Variants in TNRC18 observed in about 807,000 individuals in gnomAD.
TNRC18 encodes trinucleotide repeat-containing gene 18 protein.
A neutral mutation model predicts 226.7 loss-of-function variants in TNRC18; 69 were observed. The ratio of observed to expected loss-of-function variants is 0.30; its 90% CI spans 0.25 to 0.37. The LOEUF (loss-of-function observed/expected upper bound fraction) is 0.37. Ranked by LOEUF, TNRC18 falls within the 10% of genes least tolerant of loss-of-function variation. The pLI, the probability that TNRC18 is intolerant of heterozygous loss-of-function variation, is 1.00. For missense variants in TNRC18, 4,754 were observed against 4,256.6 expected, an observed-to-expected ratio of 1.12 and a Z score of -3.25; for synonymous variants, 2,449 against 1,927.6, an observed-to-expected ratio of 1.27 and a Z score of -7.09.
chr7:5,365,112 A>G (rs1277810262), intron 11 of TNRC18, among the ~76,000 whole-genome samples: 1 of 152,050 alleles, frequency 6.6e-6, no homozygotes. Flanking sequence ...GATGGCATTT[A>G]GATTGTTTCC....
intron 21 of TNRC18, among the ~76,000 whole-genome samples, chr7:5,323,541 C>T (rs1002170060): frequency 1.2e-4 from 18 of 148,930 alleles, no homozygotes; most frequent in African/African-American, 4.0e-4. Context: ...CTGGGGCCCC[C>T]ACTCGTTCTC....
intron 2 of TNRC18, among the ~76,000 whole-genome samples, chr7:5,398,543 T>C (rs1365508695): frequency 6.6e-6 from 1 of 152,054 alleles, no homozygotes; most frequent in Non-Finnish European, 1.5e-5. Flanking sequence ...GGTCTCAAAC[T>C]GCAGGCCTCA....
chr7:5,357,454 C>T (rs1207505858), intron 15 of TNRC18, among the ~76,000 whole-genome samples, 178 bp from the exon 16 acceptor site: 4 of 152,136 alleles, frequency 2.6e-5, no homozygotes, highest in African/African-American at 9.7e-5. Flanking sequence ...CTCTGTCGCC[C>T]AGCCTGGGGT....
chr7:5,420,022 A>G (rs1782450899), intron 2 of TNRC18: 1 of 164,888 alleles, frequency 6.1e-6, no homozygotes, highest in Non-Finnish European at 1.3e-5. Context: ...GACGCCAAGC[A>G]CAAAAGCCAG....
chr7:5,405,765 A>G (rs1302039505), intron 2 of TNRC18, among the ~76,000 whole-genome samples: 1 of 151,942 alleles, frequency 6.6e-6, no homozygotes, highest in African/African-American at 2.4e-5. Flanking sequence ...ATAAAAATAA[A>G]AAGTATACAG....
intron 2 of TNRC18, among the ~76,000 whole-genome samples, chr7:5,401,406 C>T (rs1010059120): frequency 2.6e-5 from 4 of 152,294 alleles, no homozygotes; most frequent in Admixed American, 2.0e-4. Flanking sequence ...CTGCACACTC[C>T]CGCCTGTCTA....
rs938120939 is a variant in TNRC18, at chr7:5,394,211, G to T, written c.343+229C>A. Among the ~76,000 whole-genome samples the T allele has an allele frequency of 2.0e-5, 3 of 152,142 alleles. No individual in the cohort carries two copies. Among genetic ancestry groups the T allele is most frequent in the Non-Finnish European group, 4.4e-5 (3 of 68,026 alleles). On this transcript the variant is annotated intron_variant, in intron 3 of 29. Transcript: ENST00000430969. The surrounding 1 kb of genome is among the most constrained non-coding windows in gnomAD (Gnocchi z 4.5). ...TGAGCCGGAGGAGGACTGGAAGGTG[G>T]TCTGTGGCATGGGGTGTCAGGCTGA...
intron 25 of TNRC18, among the ~76,000 whole-genome samples, chr7:5,315,667 C>T (rs1168720197): frequency 1.3e-5 from 2 of 152,220 alleles, no homozygotes; most frequent in Non-Finnish European, 2.9e-5. Flanking sequence ...CGTGATCCGC[C>T]CATCTTGGCC....
chr7:5,372,491 G>A (rs1794258100), intron 10 of TNRC18, among the ~76,000 whole-genome samples: 1 of 151,672 alleles, frequency 6.6e-6, no homozygotes, highest in Non-Finnish European at 1.5e-5. Context: ...CCAAAGTGCT[G>A]GGATTACAGG....
chr7:5,333,256 G>C (rs2128127993), intron 18 of TNRC18, among the ~76,000 whole-genome samples: 1 of 152,300 alleles, frequency 6.6e-6, no homozygotes, highest in East Asian at 1.9e-4. Context: ...CGCCGCCTCG[G>C]CTGCCCGGAC....
Position 5,324,442 on chromosome 7 carries a change from A to AC in TNRC18, c.6301-88dup, listed in dbSNP as rs1788692092. On this transcript the variant is annotated intron_variant, in intron 20 of 29. Coordinates refer to ENST00000430969, the MANE Select transcript of TNRC18 (RefSeq NM_001080495.3). This position sits in a 1 kb window ranked among gnomAD's most constrained non-coding sequence, Gnocchi z 4.8. ...GGACCCTCTCTGGAAACCTGGAGCC[A>AC]CAGTCAGGCCGCAGGGGGAATCTGT... The AC allele has an allele frequency of 1.3e-6, 2 of 1,534,104 alleles. No individual in the cohort carries two copies. Among genetic ancestry groups the AC allele is most frequent in the Non-Finnish European group, 1.8e-6 (2 of 1,130,322 alleles).
intron 5 of TNRC18, among the ~76,000 whole-genome samples, chr7:5,384,884 C>T (rs1779648720): frequency 6.6e-6 from 1 of 152,248 alleles, no homozygotes. Context: ...TTCATTCAGT[C>T]AGTCAACAAA....
At chr7:5,398,485 TTC>T (rs1312375517) in intron 2 of TNRC18, among the ~76,000 whole-genome samples, 2 of 150,800 alleles carry the variant, frequency 1.3e-5, no homozygotes, top group Non-Finnish European at 1.5e-5. Flanking sequence ...GCTAATTTTT[TTC>T]TTTTTCTTTT....
intron 18 of TNRC18, among the ~76,000 whole-genome samples, chr7:5,337,686 A>T (rs1422164671): frequency 6.6e-6 from 1 of 152,136 alleles, no homozygotes; most frequent in Non-Finnish European, 1.5e-5. Flanking sequence ...CATTTAAATG[A>T]TTAAAACTAA....
chr7:5,369,885 C>T (rs1366197730), intron 11 of TNRC18, among the ~76,000 whole-genome samples: 1 of 152,216 alleles, frequency 6.6e-6, no homozygotes, highest in Non-Finnish European at 1.5e-5. Flanking sequence ...TAACATGCCA[C>T]TCACTCAACA....
intron 18 of TNRC18, among the ~76,000 whole-genome samples, chr7:5,334,360 G>C (rs1789871167): frequency 6.6e-6 from 1 of 151,866 alleles, no homozygotes; most frequent in African/African-American, 2.4e-5. Context: ...GCAGTGGCGT[G>C]ATCTCGGCTC....
chr7:5,412,454 T>C (rs1021327915), intron 2 of TNRC18, among the ~76,000 whole-genome samples: 21 of 151,904 alleles, frequency 1.4e-4, no homozygotes, highest in Non-Finnish European at 1.3e-4. Flanking sequence ...CAGGCGTGTG[T>C]AATCTCAGCT....
At chr7:5,349,511 A>T (rs914337404) in intron 17 of TNRC18, among the ~76,000 whole-genome samples, 31 of 152,364 alleles carry the variant, frequency 2.0e-4, no homozygotes, top group Non-Finnish European at 3.5e-4. Flanking sequence ...GGTAAATGTC[A>T]GAGCGATCTG....
chr7:5,413,504 G>A (rs1781970148), intron 2 of TNRC18, among the ~76,000 whole-genome samples: 1 of 152,126 alleles, frequency 6.6e-6, no homozygotes, highest in African/African-American at 2.4e-5. Context: ...CTACCAGACT[G>A]TCTCTGGCTA....
Sources: gnomAD v4.1 joint callset for allele counts (sites outside exome capture counted in the v4.1 genomes callset) on GRCh38, gnomAD v4.1.1 for gene constraint, Gnocchi (gnomAD v3.1) non-coding constraint, MANE v1.5 for transcripts, NCBI Gene and HGNC (gene_info 2026-07-23, HGNC 2026-07-21) for gene names.